Variants in SERINC3 observed in about 807,000 individuals in gnomAD.
SERINC3 encodes the protein serine incorporator 3.
Under a neutral mutation model 52.1 loss-of-function variants are expected in SERINC3, and 22 were observed. That is an observed-to-expected ratio of 0.42 (90% CI 0.30 to 0.60). The LOEUF (loss-of-function observed/expected upper bound fraction) is 0.60. SERINC3 is among the 20% of genes least tolerant of loss of function. The probability of loss-of-function intolerance (pLI) is 0.16; values close to 1 mark genes in which losing one functional copy is unlikely to be tolerated. For synonymous variants in SERINC3, 226 were observed against 212.7 expected (o/e 1.06, Z -0.54); for missense variants, 564 against 584.6 (o/e 0.96, Z 0.36).
chr20:44,504,630 G>C (rs933647062), intron 7 of SERINC3, among the ~76,000 whole-genome samples, 171 bp downstream of exon 7: 3 of 152,142 alleles, frequency 2.0e-5, no homozygotes, highest in Admixed American at 6.5e-5. Context: ...AATAGATGTG[G>C]GGACTAAAAT....
chr20:44,504,629 G>A (rs1346142141), intron 7 of SERINC3, among the ~76,000 whole-genome samples, 172 bp downstream of exon 7: 1 of 152,164 alleles, frequency 6.6e-6, no homozygotes, highest in Non-Finnish European at 1.5e-5. Context: ...CAATAGATGT[G>A]GGGACTAAAA....
Position 44,506,811 on chromosome 20 carries a change from T to C in SERINC3, c.783+16A>G. On this transcript the variant is annotated intron_variant, in intron 6 of 9. Transcript: ENST00000342374. ...AAAAACCTTTCACAGGAGAAAGAAG[T>C]AGTAAACAATCATACCTGAATTTTT... The C allele has an allele frequency of 6.5e-7, 1 of 1,536,886 alleles. No homozygotes were observed. The highest frequency in any genetic ancestry group is 2.3e-5 in the East Asian group (1 of 43,332).
intron 1 of SERINC3, among the ~76,000 whole-genome samples, chr20:44,517,845 AT>A (rs2064390136): frequency 2.0e-5 from 3 of 152,204 alleles, no homozygotes; most frequent in Admixed American, 1.3e-4. Context: ...TATCTTTTGT[AT>A]CTTTACAGAG....
chr20:44,501,366 C>T (rs904814125), intron 8 of SERINC3, 66 bp from the exon 9 acceptor site: 4 of 1,309,122 alleles, frequency 3.1e-6, no homozygotes, highest in Non-Finnish European at 4.4e-6. Context: ...TGCCACTGGC[C>T]TGTATACAAG....
At chr20:44,515,129 A>G (rs1408994651) in intron 1 of SERINC3, among the ~76,000 whole-genome samples, 3 of 152,162 alleles carry the variant, frequency 2.0e-5, no homozygotes, top group Non-Finnish European at 2.9e-5. Flanking sequence ...TGAGGTGGGC[A>G]GGTCACCTGA....
chr20:44,521,849 T>C lies in SERINC3; in HGVS notation c.39+64A>G, dbSNP rs1422239346. The stretch of plus-strand genomic sequence containing the variant: ...CCTCTGGAGCCAAGGCCCGTGCAGC[T>C]CTGGTCTCGAGGCCTTTCCCCGCAA... On this transcript the variant is annotated intron_variant, in intron 1 of 9. Coordinates refer to ENST00000342374, the MANE Select transcript of SERINC3 (RefSeq NM_006811.4). The C allele has an allele frequency of 1.0e-5, 15 of 1,501,768 alleles. No individual in the cohort carries two copies. The East Asian group carries it at 2.4e-4, about 24-fold the overall frequency. The allele number at this position is 1,501,768 out of a possible 1,614,324, so 93.0% of individuals were successfully genotyped here.
At chr20:44,508,579 A>G (rs146643110) in intron 5 of SERINC3, among the ~76,000 whole-genome samples, 161 of 152,362 alleles carry the variant, frequency 1.1e-3, no homozygotes, top group Middle Eastern at 6.8e-3. Flanking sequence ...AAGGTTAAAT[A>G]AATTATGGTA....
At chr20:44,504,388 A>G (rs1356305544) in intron 7 of SERINC3, among the ~76,000 whole-genome samples, 1 of 152,224 alleles carries the variant, frequency 6.6e-6, no homozygotes, top group Admixed American at 6.5e-5. Context: ...TTTTCCTTTA[A>G]AAGAAGCCCA....
intron 1 of SERINC3, among the ~76,000 whole-genome samples, chr20:44,518,003 C>T (rs2064391165): frequency 6.6e-6 from 1 of 152,158 alleles, no homozygotes; most frequent in Non-Finnish European, 1.5e-5. Flanking sequence ...TTCCCAAAAT[C>T]CTCATCCAAT....
chr20:44,513,760 A>G (rs774959054), intron 2 of SERINC3, 119 bp downstream of exon 2: 16 of 821,306 alleles, frequency 1.9e-5, no homozygotes, highest in Non-Finnish European at 2.5e-5. Context: ...ACACCCCCAT[A>G]TAAGTAAAAA....
chr20:44,513,857 T>G (rs1305160991), intron 2 of SERINC3, 22 bp downstream of exon 2: 1 of 1,560,470 alleles, frequency 6.4e-7, no homozygotes, highest in East Asian at 2.3e-5. Flanking sequence ...ACCAATACCT[T>G]AAGGGCACTG....
chr20:44,498,794 C>A lies in SERINC3; in HGVS notation c.*1502G>T, dbSNP rs2064262885. On this transcript the variant is annotated 3_prime_UTR_variant, in exon 10 of 10. Transcript: ENST00000342374. The stretch of plus-strand genomic sequence containing the variant: ...TGAATATGTTTTCAGCCACCCTCAA[C>A]ATAAGGTCCAAACTCTTTACTGAGG... The A allele has an allele frequency of 1.3e-5, 2 of 152,160 alleles. No homozygotes were observed. The highest frequency in any genetic ancestry group is 1.9e-4 in the East Asian group (1 of 5,194). 9.4% of individuals were successfully genotyped at this position (152,160 alleles called of 1,614,324 possible). A position where few individuals can be genotyped will look rare whatever the true frequency, so the allele number is the denominator to read the frequency against.
In SERINC3 at chr20:44,500,220, CAAACTT is replaced by C; in HGVS notation, c.*70_*75del. On this transcript the variant is annotated 3_prime_UTR_variant, in exon 10 of 10. Transcript: ENST00000342374. ...CATTCACTTAATATTTTAGTTGAAA[CAAACTT>C]AAAAGGTATATGGGTTTTCGGTGAA... 6.8e-7 allele frequency: 1 copy of C among 1,460,068 alleles called. No homozygotes were observed. The highest frequency in any genetic ancestry group is 9.2e-7 in the Non-Finnish European group (1 of 1,084,526). The allele number at this position is 1,460,068 out of a possible 1,614,324, so 90.4% of individuals were successfully genotyped here.
At chr20:44,500,937 G>A (rs1600807785) in intron 9 of SERINC3, 136 bp downstream of exon 9, 1 of 644,674 alleles carries the variant, frequency 1.6e-6, no homozygotes, top group East Asian at 2.7e-5. Context: ...TGCTAGAGGG[G>A]ATAAAGTCAA....
intron 8 of SERINC3, among the ~76,000 whole-genome samples, chr20:44,501,568 C>T (rs1306247002): frequency 6.6e-6 from 1 of 152,246 alleles, no homozygotes; most frequent in Admixed American, 6.5e-5. Flanking sequence ...CGTGACTTCA[C>T]AAGTGCCGCT....
chr20:44,521,973 G>A lies in SERINC3; in HGVS notation c.-22C>T. ...CCATGGTGACGCCAGTGATGGAGGT[G>A]GCCGGTCCTGAGGCTGCTTTCTAAC... On this transcript the variant is annotated 5_prime_UTR_variant, in exon 1 of 10. Coordinates refer to ENST00000342374, the MANE Select transcript of SERINC3 (RefSeq NM_006811.4). 1 of 1,605,358 alleles carries A rather than the reference G, an allele frequency of 6.2e-7. No individual in the cohort carries two copies. The highest frequency in any genetic ancestry group is 8.5e-7 in the Non-Finnish European group (1 of 1,175,994).
At position 44,509,909 on chromosome 20, in the gene SERINC3, G is replaced by A; in HGVS notation, c.595C>T (p.Pro199Ser). The A allele has an allele frequency of 6.2e-7, 1 of 1,614,040 alleles. No individual in the cohort carries two copies. Among genetic ancestry groups the A allele is most frequent in the Non-Finnish European group, 8.5e-7 (1 of 1,180,018 alleles). ...TACCTACCAGCATACCACAACCTTG[G>A]GTTTCCTTCTTCCATTCGATTTACC... ...SWVNRMEEGN[P>S]RLWYAALLSF... Residue 199 changes from proline (P) to serine (S), a missense_variant, in exon 5 of 10, where the codon CCA becomes TCA. Physicochemically the swap from Pro to Ser is moderately conservative, Grantham distance 74 (BLOSUM62 -1). Transcript: ENST00000342374.
intron 1 of SERINC3, among the ~76,000 whole-genome samples, chr20:44,515,818 T>C (rs80214491): frequency 7.8e-6 from 1 of 129,000 alleles, no homozygotes; most frequent in Non-Finnish European, 1.7e-5. Context: ...CCCCAGCTGA[T>C]TTTTTTTTGT....
intron 6 of SERINC3, among the ~76,000 whole-genome samples, chr20:44,505,566 C>A (rs6031634): frequency 4.0e-4 from 61 of 152,152 alleles, no homozygotes; most frequent in African/African-American, 1.3e-3. Flanking sequence ...GGTGATCTGC[C>A]CGCCTTGGCC....
Sources: gnomAD v4.1 joint callset for allele counts (sites outside exome capture counted in the v4.1 genomes callset) on GRCh38, gnomAD v4.1.1 for gene constraint, MANE v1.5 for transcripts, NCBI Gene and HGNC (gene_info 2026-07-23, HGNC 2026-07-21) for gene names.